Variants in CA10 observed in about 807,000 individuals in gnomAD.
CA10 encodes carbonic anhydrase-related protein 10.
In CA10, 14 loss-of-function variants were observed where a neutral mutation model predicts 44.2. The ratio of observed to expected loss-of-function variants is 0.32; its 90% CI spans 0.21 to 0.50. CA10 has a LOEUF of 0.50. CA10 is among the 20% of genes least tolerant of loss of function. CA10 has a pLI of 0.99. For missense variants in CA10, 350 were observed against 409.7 expected (o/e 0.85, Z 1.26); for synonymous variants, 159 against 141.6 (o/e 1.12, Z -0.87).
chr17:51,801,877 G>A (rs1273426387), intron 3 of CA10, among the ~76,000 whole-genome samples: 1 of 152,186 alleles, frequency 6.6e-6, no homozygotes, highest in African/African-American at 2.4e-5. Flanking sequence ...ACACATGTAA[G>A]ATTTTCTTTT....
chr17:51,691,129 T>C (rs1483649578), intron 4 of CA10, among the ~76,000 whole-genome samples: 2 of 152,228 alleles, frequency 1.3e-5, no homozygotes, highest in Non-Finnish European at 2.9e-5. Flanking sequence ...TGGTTTTACT[T>C]TTTTGAAGAA....
At chr17:52,132,533 G>A (rs1372089025) in intron 1 of CA10, among the ~76,000 whole-genome samples, 1 of 152,172 alleles carries the variant, frequency 6.6e-6, no homozygotes, top group Non-Finnish European at 1.5e-5. Flanking sequence ...ATATTATTCT[G>A]AATAATTAGA....
chr17:51,977,490 C>G (rs979937027), intron 2 of CA10, among the ~76,000 whole-genome samples: 1 of 151,874 alleles, frequency 6.6e-6, no homozygotes, highest in Non-Finnish European at 1.5e-5. Flanking sequence ...AAAAACTAAA[C>G]AGTCAATCAT....
intron 2 of CA10, among the ~76,000 whole-genome samples, chr17:51,998,245 T>A (rs557308467): frequency 2.6e-5 from 4 of 152,118 alleles, no homozygotes; most frequent in African/African-American, 7.2e-5. Context: ...TGACTTCTCA[T>A]GGGAGTAAAT....
intron 3 of CA10, among the ~76,000 whole-genome samples, chr17:51,784,395 G>A (rs1217617410): frequency 1.3e-5 from 2 of 152,196 alleles, no homozygotes; most frequent in Admixed American, 1.3e-4. Flanking sequence ...AATTAGGGAG[G>A]TTTAATTTAA....
chr17:52,104,148 CCATA>C (rs1304864555), intron 1 of CA10, among the ~76,000 whole-genome samples: 1 of 151,606 alleles, frequency 6.6e-6, no homozygotes, highest in African/African-American at 2.4e-5. Flanking sequence ...CCTTTGGCTC[CCATA>C]CAAAGGAGGG....
intron 3 of CA10, among the ~76,000 whole-genome samples, chr17:51,887,824 C>G (rs952172596): frequency 3.3e-5 from 5 of 149,844 alleles, no homozygotes; most frequent in Non-Finnish European, 7.4e-5. Context: ...ACCCCTAAAC[C>G]CCTTCTCTAC....
At chr17:51,960,915 T>C (rs1451297567) in intron 2 of CA10, among the ~76,000 whole-genome samples, 2 of 152,182 alleles carry the variant, frequency 1.3e-5, no homozygotes, top group Non-Finnish European at 2.9e-5. Context: ...TGAGTCTAGG[T>C]ATTCCTGTGA....
At chr17:51,801,998 A>G (rs1013442718) in intron 3 of CA10, among the ~76,000 whole-genome samples, 14 of 152,320 alleles carry the variant, frequency 9.2e-5, no homozygotes, top group East Asian at 7.7e-4. Context: ...AGATGCCTAC[A>G]GTTGGGTATC....
chr17:51,679,330 G>A lies in CA10; in HGVS notation c.466-25594C>T, dbSNP rs1358264271. 1.5e-4 allele frequency among the ~76,000 whole-genome samples: 22 copies of A among 149,954 alleles called. 1 individual carries two copies. The highest frequency in any genetic ancestry group is 8.9e-5 in the Non-Finnish European group (6 of 67,780). On this transcript the variant is annotated intron_variant, in intron 4 of 8. Coordinates refer to ENST00000451037, the MANE Select transcript of CA10 (RefSeq NM_020178.5). ...GCTGGAGTGCAGTGGCGTGATCTCT[G>A]CTCACTGCAAGCTCCGCCTCCCGGG...
chr17:51,789,509 G>T (rs1433119008), intron 3 of CA10, among the ~76,000 whole-genome samples: 1 of 152,154 alleles, frequency 6.6e-6, no homozygotes, highest in Non-Finnish European at 1.5e-5. Flanking sequence ...CACCTCCTTT[G>T]CATGCAACAC....
intron 1 of CA10, among the ~76,000 whole-genome samples, chr17:52,083,838 T>C (rs1988047643): frequency 1.3e-5 from 2 of 152,222 alleles, no homozygotes; most frequent in South Asian, 4.1e-4. Flanking sequence ...GTTGATTCCA[T>C]ATCTTTGCTA....
rs187567345 is a variant in CA10 at position 51,630,348 on chromosome 17, T to G, written c.*1236A>C. On this transcript the variant is annotated 3_prime_UTR_variant, in exon 9 of 9. Coordinates refer to ENST00000451037, the MANE Select transcript of CA10 (RefSeq NM_020178.5). ...CTTGTTAAACACATTTATTGATTTC[T>G]TGACAGTAACCAAACACAGTGAGTG... 10 of 152,646 alleles carry G rather than the reference T, an allele frequency of 6.6e-5. No homozygotes were observed. The highest frequency in any genetic ancestry group is 2.2e-4 in the African/African-American group (9 of 41,446). 9.5% of individuals were successfully genotyped at this position (152,646 alleles called of 1,614,324 possible).
chr17:51,783,848 G>T (rs1287945517), intron 3 of CA10, among the ~76,000 whole-genome samples: 2 of 152,200 alleles, frequency 1.3e-5, no homozygotes, highest in Admixed American at 1.3e-4. Context: ...GGCCCAGAGA[G>T]AGCAGGTGTG....
chr17:51,880,410 A>T (rs1481403128), intron 3 of CA10, among the ~76,000 whole-genome samples: 1 of 151,840 alleles, frequency 6.6e-6, no homozygotes, highest in Non-Finnish European at 1.5e-5. Context: ...GGCTCAAGTG[A>T]TCCTTCCTCC....
intron 1 of CA10, among the ~76,000 whole-genome samples, chr17:52,101,141 T>A (rs950604617): frequency 1.3e-5 from 2 of 152,186 alleles, no homozygotes; most frequent in African/African-American, 4.8e-5. Context: ...TTTGGGTACA[T>A]GTTGATGGCC....
chr17:52,072,490 C>T, intron 1 of CA10, 97 bp from the exon 2 acceptor site: 1 of 814,056 alleles, frequency 1.2e-6, no homozygotes, highest in East Asian at 2.5e-5. Flanking sequence ...TAAAATAACC[C>T]TTTTCTACCC....
At chr17:51,740,351 A>G (rs1263706246) in intron 4 of CA10, among the ~76,000 whole-genome samples, 1 of 152,062 alleles carries the variant, frequency 6.6e-6, no homozygotes, top group Non-Finnish European at 1.5e-5. Context: ...GAATTTCCCT[A>G]CCAAGCTAGG....
chr17:51,759,696 A>G (rs1457459218), intron 3 of CA10, among the ~76,000 whole-genome samples: 3 of 152,072 alleles, frequency 2.0e-5, no homozygotes, highest in Non-Finnish European at 4.4e-5. Context: ...GGTGGGACTC[A>G]GGAATCTGAT....
Sources: allele counts gnomAD v4.1 joint callset (sites outside exome capture counted in the v4.1 genomes callset), GRCh38; gene constraint gnomAD v4.1.1; transcripts MANE v1.5; gene names NCBI Gene and HGNC (gene_info 2026-07-23, HGNC 2026-07-21).